The following TPRG1 variants were observed in gnomAD, a reference collection of about 807,000 sequenced individuals.
The protein encoded by TPRG1 is tumor protein p63 regulated 1, also known as tumor protein p63-regulated gene 1 protein.
TPRG1 carries 29 observed loss-of-function variants against 29.3 expected under a neutral mutation model. That is an observed-to-expected ratio of 0.99 (90% confidence interval 0.74 to 1.35). The LOEUF is 1.35. Among genes scored for constraint, TPRG1 ranks in the 40% most tolerant of loss-of-function variants. The pLI is 0.00. For synonymous variants in TPRG1, 130 were observed against 116.8 expected (o/e 1.11, Z -0.73); for missense variants, 327 against 335.0 (o/e 0.98, Z 0.19).
At chr3:189,286,013 G>A (rs1718000736) in intron 4 of TPRG1, among the ~76,000 whole-genome samples, 1 of 152,016 alleles carries the variant, frequency 6.6e-6, no homozygotes, top group African/African-American at 2.4e-5. Flanking sequence ...CAGAAGTCTT[G>A]TTCTGACCCT....
At chr3:189,177,163 T>C (rs2108681600) in intron 1 of TPRG1, among the ~76,000 whole-genome samples, 1 of 151,944 alleles carries the variant, frequency 6.6e-6, no homozygotes, top group East Asian at 1.9e-4. Flanking sequence ...GAATGAGGGA[T>C]AGTGAGACAG....
At chr3:189,017,329 C>T (rs1712997199) in intron 3 of TPRG1, among the ~76,000 whole-genome samples, 1 of 152,048 alleles carries the variant, frequency 6.6e-6, no homozygotes, top group African/African-American at 2.4e-5. Flanking sequence ...ACTGCCCCCA[C>T]TAACTCGTCA....
intron 4 of TPRG1, among the ~76,000 whole-genome samples, chr3:189,294,360 T>A (rs904625339): frequency 4.6e-5 from 7 of 151,634 alleles, no homozygotes; most frequent in Non-Finnish European, 7.3e-5. Context: ...ATAACCAGAT[T>A]TATGGCATAA....
At chr3:189,010,574 T>C (rs1712545527) in intron 3 of TPRG1, among the ~76,000 whole-genome samples, 1 of 152,222 alleles carries the variant, frequency 6.6e-6, no homozygotes, top group East Asian at 1.9e-4. Flanking sequence ...GCTGCATGTA[T>C]GTCTTCTTTT....
chr3:189,009,994 G>A (rs1312769632), intron 3 of TPRG1, among the ~76,000 whole-genome samples: 2 of 151,952 alleles, frequency 1.3e-5, no homozygotes, highest in Non-Finnish European at 2.9e-5. Context: ...CCTACCATGT[G>A]TTCATGTGTT....
chr3:189,184,728 G>A (rs1456097376), intron 1 of TPRG1, among the ~76,000 whole-genome samples: 1 of 152,134 alleles, frequency 6.6e-6, no homozygotes, highest in Admixed American at 6.5e-5. Flanking sequence ...TCCTGCAGTT[G>A]GCAATGTTAG....
intron 1 of TPRG1, among the ~76,000 whole-genome samples, chr3:189,194,453 A>G (rs1732214523): frequency 6.6e-6 from 1 of 152,228 alleles, no homozygotes; most frequent in South Asian, 2.1e-4. Context: ...ACATGAACCT[A>G]TTGTGACACC....
chr3:189,028,806 T>C (rs540261619), intron 4 of TPRG1, among the ~76,000 whole-genome samples: 2 of 152,300 alleles, frequency 1.3e-5, no homozygotes, highest in East Asian at 3.9e-4. Flanking sequence ...ATGGTAGTAA[T>C]GTATTTCTAC....
At chr3:189,192,546 A>G (rs1256781255) in intron 1 of TPRG1, among the ~76,000 whole-genome samples, 1 of 152,210 alleles carries the variant, frequency 6.6e-6, no homozygotes, top group African/African-American at 2.4e-5. Context: ...AACTTAAGGG[A>G]CATGAATTAG....
intron 4 of TPRG1, among the ~76,000 whole-genome samples, chr3:189,027,112 A>G (rs887474712): frequency 1.3e-5 from 2 of 152,192 alleles, no homozygotes; most frequent in Admixed American, 6.5e-5. Context: ...TTGTGCAGTG[A>G]AGGTGGGAAA....
chr3:189,317,576 A>G (rs1723737022), intron 5 of TPRG1, among the ~76,000 whole-genome samples: 1 of 152,170 alleles, frequency 6.6e-6, no homozygotes, highest in East Asian at 1.9e-4. Flanking sequence ...TAAATTTCAG[A>G]GAGGTTGGAT....
intron 4 of TPRG1, among the ~76,000 whole-genome samples, chr3:189,037,862 C>A (rs1244197417): frequency 2.7e-5 from 4 of 150,078 alleles, no homozygotes; most frequent in African/African-American, 9.8e-5. Flanking sequence ...AATATATTAA[C>A]CTATTAAGAA....
intron 4 of TPRG1, among the ~76,000 whole-genome samples, chr3:189,058,161 A>T (rs1715860427): frequency 6.6e-6 from 1 of 152,040 alleles, no homozygotes; most frequent in South Asian, 2.1e-4. Flanking sequence ...GGCCTTGGAG[A>T]TCATCAGTTA....
intron 4 of TPRG1, among the ~76,000 whole-genome samples, chr3:189,150,476 G>C (rs541428652): frequency 3.2e-4 from 49 of 152,000 alleles, no homozygotes; most frequent in African/African-American, 1.1e-3. Context: ...CCACCGCGCC[G>C]AGATCTTTGT....
intron 4 of TPRG1, among the ~76,000 whole-genome samples, chr3:189,039,231 C>A (rs778367803): frequency 6.6e-6 from 1 of 152,166 alleles, no homozygotes; most frequent in African/African-American, 2.4e-5. Flanking sequence ...ACAGTGAACC[C>A]AGAGCTGGCT....
chr3:189,128,768 A>G (rs536531749), intron 2 of TPRG1, among the ~76,000 whole-genome samples: 2 of 152,178 alleles, frequency 1.3e-5, no homozygotes, highest in East Asian at 3.9e-4. Flanking sequence ...CAGTTATTTT[A>G]TTATTAGCAT....
At chr3:189,034,275 G>C (rs933257592) in intron 4 of TPRG1, among the ~76,000 whole-genome samples, 1 of 152,060 alleles carries the variant, frequency 6.6e-6, no homozygotes, top group African/African-American at 2.4e-5. Context: ...ATCAAAAGCA[G>C]ATCCTTTCAG....
rs368195264 is a variant in TPRG1, at chr3:189,295,496, CAAAAAAAAAA to C, written c.480-14872_480-14863del. On this transcript the variant is annotated intron_variant, in intron 4 of 5. Transcript: ENST00000345063. ...ACTCTATTGGGTACTACTCAGATTGCAAAAAAAAAAAAAAAAAAAAAAAAAAAGGCCTTGG... is the reference window on the plus strand; with the variant it reads ...ACTCTATTGGGTACTACTCAGATTGCAAAAAAAAAAAAAAAAAGGCCTTGG... 3.4e-3 allele frequency among the ~76,000 whole-genome samples: 289 copies of C among 85,502 alleles called. 2 individuals carry two copies. Among genetic ancestry groups the C allele is most frequent in the South Asian group, 0.024 (49 of 2,024 alleles). The allele number at this position is 85,502 out of a possible 152,430, so 56.1% of individuals were successfully genotyped here.
At chr3:189,280,791 A>G (rs1716999149) in intron 4 of TPRG1, among the ~76,000 whole-genome samples, 1 of 152,208 alleles carries the variant, frequency 6.6e-6, no homozygotes, top group African/African-American at 2.4e-5. Flanking sequence ...GAATGATACT[A>G]TCTGCATCAT....
Sources: allele counts gnomAD v4.1 joint callset (sites outside exome capture counted in the v4.1 genomes callset), GRCh38; gene constraint gnomAD v4.1.1; transcripts MANE v1.5; gene names NCBI Gene and HGNC (gene_info 2026-07-23, HGNC 2026-07-21).